Variants in IL1RAPL1 observed in about 807,000 individuals in gnomAD.
The protein encoded by IL1RAPL1 is interleukin-1 receptor accessory protein-like 1.
IL1RAPL1 carries 3 observed loss-of-function variants against 48.4 expected under a neutral mutation model. The ratio of observed to expected loss-of-function variants is 0.06; its 90% CI spans 0.03 to 0.16. The LOEUF (loss-of-function observed/expected upper bound fraction) is 0.16. Among genes scored for constraint, IL1RAPL1 ranks in the 10% least tolerant of loss-of-function variants. The pLI, the probability that IL1RAPL1 is intolerant of heterozygous loss-of-function variation, is 1.00. For missense variants in IL1RAPL1, 349 were observed against 530.6 expected, an observed-to-expected ratio of 0.66 and a Z score of 3.36; for synonymous variants, 185 against 187.7, an observed-to-expected ratio of 0.99 and a Z score of 0.12.
rs1211778304 is a variant in IL1RAPL1 at position 29,649,030 on chromosome X, C to T, written c.704-19400C>T. Among the ~76,000 whole-genome samples the T allele has an allele frequency of 4.5e-5, 5 of 111,147 alleles. No individual in the cohort carries two copies. In the East Asian group the frequency reaches 1.4e-3, roughly 31 times the overall value. ...ATAATCTAGGAGAAATGAATATATT[C>T]CTGGACAAATACAACCTACCAACAT... On this transcript the variant is annotated intron_variant, in intron 5 of 10. Transcript: ENST00000378993.
intron 5 of IL1RAPL1, among the ~76,000 whole-genome samples, chrX:29,467,015 T>G: frequency 9.0e-6 from 1 of 111,018 alleles, no homozygotes; most frequent in Non-Finnish European, 1.9e-5. Context: ...GGCCCAGTAA[T>G]TTGTGTTTTT....
At chrX:29,505,041 CATAATT>C (rs758567568) in intron 5 of IL1RAPL1, among the ~76,000 whole-genome samples, 1,382 of 111,212 alleles carry the variant, frequency 0.012, 16 homozygotes, top group African/African-American at 0.043. Flanking sequence ...GCTTATGAAA[CATAATT>C]ATAACATTCT....
chrX:29,244,183 A>G (rs1931469258), intron 2 of IL1RAPL1, among the ~76,000 whole-genome samples: 1 of 111,976 alleles, frequency 8.9e-6, no homozygotes, highest in Non-Finnish European at 1.9e-5. Context: ...CTGCATTAAA[A>G]TTTTTGCAAT....
chrX:29,202,767 C>G (rs1930581703), intron 2 of IL1RAPL1, among the ~76,000 whole-genome samples: 1 of 111,692 alleles, frequency 9.0e-6, no homozygotes, highest in Admixed American at 9.5e-5. Flanking sequence ...AACAGAAAAC[C>G]AAATACTATG....
intron 1 of IL1RAPL1, among the ~76,000 whole-genome samples, chrX:28,761,840 G>T (rs1227044217): frequency 8.9e-6 from 1 of 112,088 alleles, no homozygotes; most frequent in Non-Finnish European, 1.9e-5. Flanking sequence ...AAAAAACGGA[G>T]ATAGTTTTAT....
At chrX:29,379,173 C>G (rs916136232) in intron 3 of IL1RAPL1, among the ~76,000 whole-genome samples, 7 of 112,493 alleles carry the variant, frequency 6.2e-5, no homozygotes, top group African/African-American at 1.9e-4. Context: ...CCAAAGTGCT[C>G]CCAGGCTGCT....
rs762408914 is a variant in IL1RAPL1, at chrX:29,861,998, T to C, written c.779-55466T>C. ...TGGGAGGATTGCTTGAGCCCAGAAG[T>C]TCGAGACCAGCTTGAGCAATGTAGC... On this transcript the variant is annotated intron_variant, in intron 6 of 10. Transcript: ENST00000378993. Among the ~76,000 whole-genome samples the C allele has an allele frequency of 4.6e-5, 5 of 109,863 alleles. No individual in the cohort carries two copies. The East Asian group carries it at 8.6e-4, about 19-fold the overall frequency.
In IL1RAPL1 at chrX:29,283,162, A is replaced by G. The variant is rs1355268343; in HGVS notation, c.307A>G (p.Ile103Val). The G allele has an allele frequency of 1.7e-6, 2 of 1,211,810 alleles. No homozygotes were observed. Among genetic ancestry groups the G allele is most frequent in the African/African-American group, 3.5e-5 (2 of 57,825 alleles). The change falls in exon 3 of 11, where the codon ATT becomes GTT. Residue 103 changes from isoleucine to valine, a missense_variant. Ile to Val is a conservative substitution (Grantham distance 29, BLOSUM62 3). Transcript: ENST00000378993. ...TAGAATGAGCAAAGAAGAAGACTCC[A>G]TTTGGTTCCGGCCAACATTGCTACA... ...GSRMSKEEDSIWFRPTLLQDS... is the reference protein window; with the variant it reads ...GSRMSKEEDSVWFRPTLLQDS...
At chrX:29,503,115 G>T (rs1935292446) in intron 5 of IL1RAPL1, among the ~76,000 whole-genome samples, 2 of 111,525 alleles carry the variant, frequency 1.8e-5, no homozygotes, top group Admixed American at 1.9e-4. Flanking sequence ...ATGATTCTTT[G>T]TATTTTTGTG....
At chrX:28,687,571 A>G (rs941409367) in intron 1 of IL1RAPL1, among the ~76,000 whole-genome samples, 10 of 106,761 alleles carry the variant, frequency 9.4e-5, no homozygotes, top group Admixed American at 6.0e-4. Context: ...TCACAAGGTC[A>G]GGAGATCGAG....
intron 1 of IL1RAPL1, among the ~76,000 whole-genome samples, chrX:28,781,955 A>T (rs1414542638): frequency 1.8e-5 from 2 of 111,841 alleles, no homozygotes; most frequent in African/African-American, 6.5e-5. Context: ...TATATGTATG[A>T]ATATACAAAA....
chrX:29,673,649 C>T (rs1281690250), intron 6 of IL1RAPL1, among the ~76,000 whole-genome samples: 1 of 111,731 alleles, frequency 9.0e-6, no homozygotes, highest in African/African-American at 3.3e-5. Flanking sequence ...ATTTCTAGTG[C>T]CTGAAATAAA....
At chrX:28,759,545 A>T (rs749250700) in intron 1 of IL1RAPL1, among the ~76,000 whole-genome samples, 3 of 111,590 alleles carry the variant, frequency 2.7e-5, no homozygotes, top group Non-Finnish European at 5.6e-5. Context: ...GCATACTAGG[A>T]TCCCGACTCA....
chrX:28,671,530 C>T (rs891153388), intron 1 of IL1RAPL1, among the ~76,000 whole-genome samples: 7 of 111,733 alleles, frequency 6.3e-5, no homozygotes, highest in Non-Finnish European at 9.4e-5. Context: ...CATTCAGGAG[C>T]GCTGTATGGA....
At chrX:29,408,849 C>T (rs1170657741) in intron 5 of IL1RAPL1, among the ~76,000 whole-genome samples, 2 of 111,748 alleles carry the variant, frequency 1.8e-5, no homozygotes, top group Non-Finnish European at 3.8e-5. Flanking sequence ...TTCCCTGAAC[C>T]TCAGTCTATG....
chrX:28,913,516 T>C (rs1161663312), intron 2 of IL1RAPL1, among the ~76,000 whole-genome samples: 3 of 111,162 alleles, frequency 2.7e-5, no homozygotes, highest in Non-Finnish European at 5.7e-5. Context: ...TGGAGATTTT[T>C]ATATCCTTTA....
intron 5 of IL1RAPL1, among the ~76,000 whole-genome samples, chrX:29,636,003 C>T (rs1602338526): frequency 5.4e-5 from 6 of 110,117 alleles, no homozygotes; most frequent in Middle Eastern, 4.7e-3. Flanking sequence ...TAGCATAGAC[C>T]CAAAATACAG....
chrX:29,323,561 T>C (rs936143658), intron 3 of IL1RAPL1, among the ~76,000 whole-genome samples: 2 of 101,846 alleles, frequency 2.0e-5, no homozygotes, highest in African/African-American at 7.2e-5. Context: ...GGTGCCACCA[T>C]GCTTCCGTCC....
intron 2 of IL1RAPL1, among the ~76,000 whole-genome samples, chrX:29,073,786 T>C (rs1477866688): frequency 9.0e-6 from 1 of 111,705 alleles, no homozygotes; most frequent in Non-Finnish European, 1.9e-5. Context: ...CTCTTTTATT[T>C]TTTTAAAAAT....
Sources: allele counts gnomAD v4.1 joint callset (sites outside exome capture counted in the v4.1 genomes callset), GRCh38; gene constraint gnomAD v4.1.1; transcripts MANE v1.5; gene names NCBI Gene and HGNC (gene_info 2026-07-23, HGNC 2026-07-21).